Variants in ANKHD1 observed in about 807,000 individuals in gnomAD.
ANKHD1 encodes ankyrin repeat and KH domain-containing protein 1.
Under a neutral mutation model 230.5 loss-of-function variants are expected in ANKHD1, and 31 were observed. The observed-to-expected ratio is 0.13, with a 90% confidence interval of 0.10 to 0.18. The LOEUF (loss-of-function observed/expected upper bound fraction) is 0.18, where lower values mean the gene tolerates loss of function less well. Among genes scored for constraint, ANKHD1 ranks in the 10% least tolerant of loss-of-function variants. ANKHD1 has a pLI of 1.00. For synonymous variants in ANKHD1, 1,074 were observed against 1,117.6 expected (o/e 0.96, Z 0.78); for missense variants, 2,256 against 3,071.3 (o/e 0.73, Z 6.27).
At position 140,496,773 on chromosome 5, in the gene ANKHD1, A is replaced by G; in HGVS notation, c.2499A>G (p.Lys833=). 6.2e-7 allele frequency: 1 copy of G among 1,613,982 alleles called. No homozygotes were observed. Among genetic ancestry groups the G allele is most frequent in the South Asian group, 1.1e-5 (1 of 91,080 alleles). The stretch of plus-strand genomic sequence containing the variant: ...AAGAGCAAGTCCAGAAGAAGAAGAA[A>G]ATATTGAAAGAACTGCAGAAAGTGG... ...NREEQVQKKK[K]ILKELQKVER... is the part of the protein sequence containing the mutation. The change falls in exon 15 of 34, where the codon AAA becomes AAG. Residue 833 remains lysine (K), a synonymous_variant. Transcript: ENST00000360839.
chr5:140,531,946 C>T (rs1163175898), intron 29 of ANKHD1, among the ~76,000 whole-genome samples: 1 of 152,066 alleles, frequency 6.6e-6, no homozygotes. Context: ...CGGTGGCTCA[C>T]GCCTATAATC....
Position 140,526,924 on chromosome 5 carries a change from T to C in ANKHD1, c.4941-4T>C, listed in dbSNP as rs1753633404. ...TATTGTACTTGCTATTTGTCTCTTC[T>C]TAGACTTGAAGGTGAAGTGACTCCT... On this transcript the variant is annotated splice_region_variant and splice_polypyrimidine_tract_variant and intron_variant, in intron 26 of 33. Transcript: ENST00000360839. 1 of 1,607,538 alleles carries C rather than the reference T, an allele frequency of 6.2e-7. No individual in the cohort carries two copies. The highest frequency in any genetic ancestry group is 8.5e-7 in the Non-Finnish European group (1 of 1,177,990).
chr5:140,503,651 T>C (rs1752416922), intron 15 of ANKHD1, among the ~76,000 whole-genome samples: 1 of 127,824 alleles, frequency 7.8e-6, no homozygotes, highest in Admixed American at 9.8e-5. Context: ...CACTGCAACC[T>C]CCGCCTCCCA....
chr5:140,504,190 C>T (rs1752444516), intron 15 of ANKHD1, among the ~76,000 whole-genome samples: 1 of 152,004 alleles, frequency 6.6e-6, no homozygotes, highest in African/African-American at 2.4e-5. Context: ...GCTGGGATTA[C>T]AGGCATGTAC....
intron 10 of ANKHD1, among the ~76,000 whole-genome samples, chr5:140,478,854 G>T (rs1751108307): frequency 6.6e-6 from 1 of 151,978 alleles, no homozygotes. Flanking sequence ...ATGTTGGTCA[G>T]GCTGGTCTGG....
intron 7 of ANKHD1, among the ~76,000 whole-genome samples, chr5:140,455,415 A>G (rs1034710457): frequency 6.6e-6 from 1 of 152,232 alleles, no homozygotes; most frequent in African/African-American, 2.4e-5. Context: ...CAACAAAAAA[A>G]GAGAATTTTA....
intron 10 of ANKHD1, chr5:140,472,364 G>A: frequency 6.3e-7 from 1 of 1,580,288 alleles, no homozygotes; most frequent in Non-Finnish European, 8.6e-7. Context: ...CCAGAACTCT[G>A]GATATCTGAA....
chr5:140,409,469 C>G (rs1770746816), intron 1 of ANKHD1, among the ~76,000 whole-genome samples: 1 of 151,772 alleles, frequency 6.6e-6, no homozygotes, highest in South Asian at 2.1e-4. Flanking sequence ...GGAAATATAA[C>G]TTTGTATTCT....
rs766452077 is a variant in ANKHD1, at chr5:140,526,455, TG to T, written c.4940+13del. 1 of 1,595,152 alleles carries T rather than the reference TG, an allele frequency of 6.3e-7. No individual in the cohort carries two copies. The highest frequency in any genetic ancestry group is 2.2e-5 in the East Asian group (1 of 44,786). Reference sequence around the variant, plus strand: ...AAAACTCAGACACGGTAAATTTTTCTGATTTGTTAACTCTACCTGCACCTTT... The same window carrying T: ...AAAACTCAGACACGGTAAATTTTTCTATTTGTTAACTCTACCTGCACCTTT... On this transcript the variant is annotated intron_variant, in intron 26 of 33. Coordinates refer to ENST00000360839, the MANE Select transcript of ANKHD1 (RefSeq NM_017747.3).
rs992634820 is a variant in ANKHD1, at chr5:140,485,340, T to A, written c.1998+92T>A. On this transcript the variant is annotated intron_variant, in intron 12 of 33. Coordinates refer to ENST00000360839, the MANE Select transcript of ANKHD1 (RefSeq NM_017747.3). The surrounding 1 kb of genome is among the most constrained non-coding windows in gnomAD (Gnocchi z 4.8). ...AGAAAGCTGAGGCGGGTGGATCACTTGAGCCCAGGAGTTTGAGACTAGTCT... is the reference window on the plus strand; with the variant it reads ...AGAAAGCTGAGGCGGGTGGATCACTAGAGCCCAGGAGTTTGAGACTAGTCT... 1.4e-6 allele frequency: 2 copies of A among 1,468,336 alleles called. No individual in the cohort carries two copies. Among genetic ancestry groups the A allele is most frequent in the African/African-American group, 2.8e-5 (2 of 70,318 alleles). 91.0% of individuals were successfully genotyped at this position (1,468,336 alleles called of 1,614,324 possible).
At chr5:140,469,441 A>G (rs541555917) in intron 10 of ANKHD1, among the ~76,000 whole-genome samples, 1 of 151,836 alleles carries the variant, frequency 6.6e-6, no homozygotes, top group African/African-American at 2.4e-5. Context: ...CAGGAAGCGG[A>G]GGTTGTAGTA....
At chr5:140,525,834 T>TAA (rs113364890) in intron 25 of ANKHD1, among the ~76,000 whole-genome samples, 162 bp from the exon 26 acceptor site, 6 of 126,776 alleles carry the variant, frequency 4.7e-5, no homozygotes, top group Admixed American at 1.6e-4. Flanking sequence ...AGACTCCATC[T>TAA]AAAAAAAAAA....
At chr5:140,494,391 T>C (rs1192512938) in intron 14 of ANKHD1, among the ~76,000 whole-genome samples, 1 of 152,126 alleles carries the variant, frequency 6.6e-6, no homozygotes, top group Non-Finnish European at 1.5e-5. Flanking sequence ...AGAATTACTT[T>C]AGGCCAGGAG....
chr5:140,526,463 TAACTC>T lies in ANKHD1; in HGVS notation c.4940+21_4940+25del, dbSNP rs754092607. ...GACACGGTAAATTTTTCTGATTTGT[TAACTC>T]TACCTGCACCTTTCCTTCTTCATGC... On this transcript the variant is annotated intron_variant, in intron 26 of 33. Coordinates refer to ENST00000360839, the MANE Select transcript of ANKHD1 (RefSeq NM_017747.3). 8 of 1,589,160 alleles carry T rather than the reference TAACTC, an allele frequency of 5.0e-6. No homozygotes were observed. In the African/African-American group the frequency reaches 9.5e-5, roughly 19 times the overall value.
chr5:140,512,785 T>C (rs1752826641), intron 22 of ANKHD1, 43 bp from the exon 23 acceptor site: 1 of 1,504,808 alleles, frequency 6.6e-7, no homozygotes, highest in Non-Finnish European at 8.9e-7. Flanking sequence ...TAATAATTTT[T>C]CTTTTCATGC....
intron 13 of ANKHD1, 25 bp from the exon 14 acceptor site, chr5:140,486,932 GA>G: frequency 6.2e-7 from 1 of 1,603,336 alleles, no homozygotes; most frequent in African/African-American, 1.3e-5. Context: ...GGTCTGAGAT[GA>G]TTTTTTTCTG....
At chr5:140,505,329 A>G in intron 17 of ANKHD1, 96 bp downstream of exon 17, 3 of 1,295,280 alleles carry the variant, frequency 2.3e-6, no homozygotes, top group Non-Finnish European at 3.2e-6. Flanking sequence ...TATCTCAGTG[A>G]TAAGATGGAT....
At chr5:140,508,268 G>A (rs766173199) in intron 20 of ANKHD1, among the ~76,000 whole-genome samples, 12 of 152,086 alleles carry the variant, frequency 7.9e-5, no homozygotes, top group Non-Finnish European at 1.3e-4. Flanking sequence ...ACTTTTGAAT[G>A]TAGTAAGATT....
At position 140,538,112 on chromosome 5, in the gene ANKHD1, G is replaced by A; in HGVS notation, c.7255G>A (p.Val2419Met). 2 of 1,613,442 alleles carry A rather than the reference G, an allele frequency of 1.2e-6. No individual in the cohort carries two copies. Among genetic ancestry groups the A allele is most frequent in the Non-Finnish European group, 1.7e-6 (2 of 1,179,748 alleles). Reference protein sequence around the residue: ...SEGLSGWSQSVMGNHPMHQQL... With the variant: ...SEGLSGWSQSMMGNHPMHQQL... Reference sequence around the variant, plus strand: ...AGGCTTATCAGGTTGGTCGCAATCTGTGATGGGGAACCATCCAATGCATCA... The same window carrying A: ...AGGCTTATCAGGTTGGTCGCAATCTATGATGGGGAACCATCCAATGCATCA... Residue 2419 changes from valine (V) to methionine (M), a missense_variant, in exon 32 of 34, where the codon GTG becomes ATG. Physicochemically the swap from Val to Met is conservative, Grantham distance 21. Transcript: ENST00000360839.
Sources: allele counts gnomAD v4.1 joint callset (sites outside exome capture counted in the v4.1 genomes callset), GRCh38; gene constraint gnomAD v4.1.1; non-coding constraint Gnocchi (gnomAD v3.1); transcripts MANE v1.5; gene names NCBI Gene and HGNC (gene_info 2026-07-23, HGNC 2026-07-21).